The following TACC3 variants were observed in gnomAD, a reference collection of about 807,000 sequenced individuals.
The protein encoded by TACC3 is transforming acidic coiled-coil-containing protein 3.
In TACC3, 52 loss-of-function variants were observed where a neutral mutation model predicts 86.0. The observed-to-expected ratio is 0.60, with a 90% CI of 0.48 to 0.76. The LOEUF (loss-of-function observed/expected upper bound fraction) is 0.76, where lower values mean the gene tolerates loss of function less well. TACC3 is among the 30% of genes least tolerant of loss of function. TACC3 has a pLI of 0.00. For synonymous variants in TACC3, 512 were observed against 430.0 expected, an observed-to-expected ratio of 1.19 and a Z score of -2.36; for missense variants, 1,120 against 1,070.4, an observed-to-expected ratio of 1.05 and a Z score of -0.65.
Position 1,744,964 on chromosome 4 carries a change from A to T in TACC3, c.2468A>T (p.Glu823Val). 6.2e-7 allele frequency: 1 copy of T among 1,611,928 alleles called. No homozygotes were observed. Among genetic ancestry groups the T allele is most frequent in the East Asian group, 2.2e-5 (1 of 44,850 alleles). ...CTCCTCCAGACTAAAGAGAACGAGG[A>T]GCTGACCAGGATCTGCGACGACCTC... ...TVEQKTKENE[E>V]LTRICDDLIS... The change falls in exon 16 of 16, where the codon GAG becomes GTG. Residue 823 changes from glutamate to valine, a missense_variant. Physicochemically the swap from Glu to Val is moderately radical, Grantham distance 121. Transcript: ENST00000313288.
rs1255193824 is a variant in TACC3 at position 1,723,562 on chromosome 4, G to A, written c.141G>A (p.Lys47=). ...CACAGAAAGAAAATGTGCCACCCAAGAACCTGGCCAAAGCTATGAAGGTAA... is the reference window on the plus strand; with the variant it reads ...CACAGAAAGAAAATGTGCCACCCAAAAACCTGGCCAAAGCTATGAAGGTAA... ...RVSQKENVPP[K]NLAKAMKVTF... is the part of the protein sequence containing the mutation. Residue 47 remains lysine (K), a synonymous_variant, in exon 2 of 16, where the codon AAG becomes AAA. Coordinates refer to ENST00000313288, the MANE Select transcript of TACC3 (RefSeq NM_006342.3). The A allele has an allele frequency of 6.2e-7, 1 of 1,613,496 alleles. No individual in the cohort carries two copies. The highest frequency in any genetic ancestry group is 8.5e-7 in the Non-Finnish European group (1 of 1,179,816).
At chr4:1,730,520 C>T (rs1717950112) in intron 4 of TACC3, 2 of 413,524 alleles carry the variant, frequency 4.8e-6, no homozygotes, top group Non-Finnish European at 9.6e-6. Flanking sequence ...TTGCCTTGGC[C>T]CCTGGGTGGC....
At position 1,728,083 on chromosome 4, in the gene TACC3, G is replaced by A. The variant is rs777808484; in HGVS notation, c.681G>A (p.Glu227=). The A allele has an allele frequency of 1.3e-6, 2 of 1,591,178 alleles. No individual in the cohort carries two copies. The highest frequency in any genetic ancestry group is 2.3e-5 in the South Asian group (2 of 87,440). Residue 227 remains glutamate (E), a synonymous_variant, in exon 4 of 16, where the codon GAG becomes GAA. Transcript: ENST00000313288. ...PHGAEEECKA[E]TPHGAEEECR... ...GAGCCGAGGAAGAATGCAAAGCGGA[G>A]ACTCCGCACGGAGCCGAGGAGGAAT...
At position 1,745,022 on chromosome 4, in the gene TACC3, G is replaced by A; in HGVS notation, c.*9G>A. 6.2e-7 allele frequency: 1 copy of A among 1,601,142 alleles called. No individual in the cohort carries two copies. Among genetic ancestry groups the A allele is most frequent in the Non-Finnish European group, 8.5e-7 (1 of 1,174,498 alleles). On this transcript the variant is annotated 3_prime_UTR_variant, in exon 16 of 16. Coordinates refer to ENST00000313288, the MANE Select transcript of TACC3 (RefSeq NM_006342.3). ...AGATGGAGAAGATCTGACCTCCACG[G>A]AGCCGCTGTCCCCGCCCCCCTGCTC...
Position 1,728,520 on chromosome 4 carries a change from G to C in TACC3, c.1118G>C (p.Arg373Thr), listed in dbSNP as rs749547300. The C allele has an allele frequency of 1.2e-6, 2 of 1,614,050 alleles. No homozygotes were observed. The highest frequency in any genetic ancestry group is 3.3e-5 in the Admixed American group (2 of 60,028). ...LKPPLRKAAV[R>T]QQKAPQEVEE... ...CCTCCCTTGAGGAAAGCAGCAGTGA[G>C]GCAGCAAAAGGCCCCGCAGGAGGTG... Residue 373 changes from arginine (R) to threonine (T), a missense_variant, in exon 4 of 16, where the codon AGG becomes ACG. Transcript: ENST00000313288.
At position 1,728,529 on chromosome 4, in the gene TACC3, A is replaced by G; in HGVS notation, c.1127A>G (p.Lys376Arg). Residue 376 changes from lysine to arginine, a missense_variant, in exon 4 of 16, where the codon AAG becomes AGG. Coordinates refer to ENST00000313288, the MANE Select transcript of TACC3 (RefSeq NM_006342.3). Reference sequence around the variant, plus strand: ...AGGAAAGCAGCAGTGAGGCAGCAAAAGGCCCCGCAGGAGGTGGAGGAGGAC... The same window carrying G: ...AGGAAAGCAGCAGTGAGGCAGCAAAGGGCCCCGCAGGAGGTGGAGGAGGAC... ...PLRKAAVRQQ[K>R]APQEVEEDDG... The G allele has an allele frequency of 6.2e-7, 1 of 1,613,962 alleles. No individual in the cohort carries two copies. The highest frequency in any genetic ancestry group is 8.5e-7 in the Non-Finnish European group (1 of 1,179,976).
chr4:1,728,118 G>A lies in TACC3; in HGVS notation c.716G>A (p.Gly239Asp), dbSNP rs537769084. Residue 239 changes from glycine (G) to aspartate (D), a missense_variant, in exon 4 of 16, where the codon GGT becomes GAT. By Grantham distance (94) the Gly-to-Asp change is moderately conservative. Transcript: ENST00000313288. ...GGAGCCGAGGAGGAATGCCGGCACG[G>A]TGGGGTCTGTGCTCCCGCAGCAGTG... Reference protein sequence around the residue: ...PHGAEEECRHGGVCAPAAVAT... With the variant: ...PHGAEEECRHDGVCAPAAVAT... 2 of 1,612,296 alleles carry A rather than the reference G, an allele frequency of 1.2e-6. No individual in the cohort carries two copies. Among genetic ancestry groups the A allele is most frequent in the African/African-American group, 1.3e-5 (1 of 75,028 alleles).
intron 4 of TACC3, 128 bp downstream of exon 4, chr4:1,728,915 G>A (rs1717861998): frequency 1.0e-6 from 1 of 964,350 alleles, no homozygotes. Context: ...GCCTGAGGAG[G>A]GGCCTCTGGA....
chr4:1,722,614 C>T (rs1717462801), intron 1 of TACC3, among the ~76,000 whole-genome samples: 3 of 152,226 alleles, frequency 2.0e-5, no homozygotes, highest in African/African-American at 7.2e-5. Context: ...CAAATCAAAG[C>T]CTCCCCAGGT....
At chr4:1,733,988 A>AG (rs1683877788) in intron 6 of TACC3, among the ~76,000 whole-genome samples, 2 of 151,816 alleles carry the variant, frequency 1.3e-5, no homozygotes, top group Middle Eastern at 3.4e-3. Flanking sequence ...AAAAAAAAAA[A>AG]AAGAAAAGAA....
At chr4:1,728,837 A>G in intron 4 of TACC3, 50 bp downstream of exon 4, 1 of 1,532,384 alleles carries the variant, frequency 6.5e-7, no homozygotes, top group Non-Finnish European at 8.8e-7. Context: ...GCTGCCCTGC[A>G]GTGTATGTGG....
chr4:1,739,359 C>T (rs1416062026), intron 10 of TACC3: 2 of 313,452 alleles, frequency 6.4e-6, no homozygotes, highest in Non-Finnish European at 1.2e-5. Context: ...TCTTTGAAGA[C>T]AAACTTGGAG....
chr4:1,722,386 C>A (rs1313871230), intron 1 of TACC3, among the ~76,000 whole-genome samples: 1 of 152,220 alleles, frequency 6.6e-6, no homozygotes, highest in Non-Finnish European at 1.5e-5. Context: ...AAAACCTAAG[C>A]GTCGTCCGTA....
At chr4:1,734,504 A>G (rs1432308535) in intron 6 of TACC3, among the ~76,000 whole-genome samples, 1 of 152,152 alleles carries the variant, frequency 6.6e-6, no homozygotes, top group African/African-American at 2.4e-5. Context: ...TAAGAGTTTT[A>G]TAGTTTTAGA....
upstream of TACC3, chr4:1,721,008 T>C: frequency 4.2e-6 from 1 of 236,788 alleles, no homozygotes; most frequent in Non-Finnish European, 8.0e-6. Context: ...CTCTAGGACA[T>C]GGAGTCCCGC....
chr4:1,737,801 GCCA>G (rs779933823), intron 10 of TACC3, 99 bp downstream of exon 10: 19 of 980,418 alleles, frequency 1.9e-5, no homozygotes, highest in Non-Finnish European at 2.7e-5. Context: ...CGCCATCCCT[GCCA>G]TCCCTGCCCC....
chr4:1,741,059 A>C, intron 13 of TACC3, 73 bp downstream of exon 13: 11 of 1,461,004 alleles, frequency 7.5e-6, no homozygotes, highest in Non-Finnish European at 1.0e-5. Context: ...CGGGGCTACA[A>C]GCTGCTGTCT....
chr4:1,739,846 C>T (rs1452609504), intron 11 of TACC3, 68 bp downstream of exon 11: 67 of 1,549,676 alleles, frequency 4.3e-5, no homozygotes, highest in Admixed American at 1.9e-4. Flanking sequence ...CCATCCCCCT[C>T]GCCATCCTTG....
chr4:1,735,153 G>A lies in TACC3; in HGVS notation c.1592-120G>A, dbSNP rs1718190047. On this transcript the variant is annotated intron_variant, in intron 6 of 15. Transcript: ENST00000313288. The surrounding 1 kb of genome is among the most constrained non-coding windows in gnomAD (Gnocchi z 4.2). The stretch of plus-strand genomic sequence containing the variant: ...AGGCCCCGAACATCCACACCTCCAA[G>A]GGAGGAAATACTGCTGGCTGGAATG... The A allele has an allele frequency of 7.3e-7, 1 of 1,378,824 alleles. No individual in the cohort carries two copies. The highest frequency in any genetic ancestry group is 1.8e-5 in the Admixed American group (1 of 54,186). The allele number at this position is 1,378,824 out of a possible 1,614,324, so 85.4% of individuals were successfully genotyped here.
Sources: gnomAD v4.1 joint callset for allele counts (sites outside exome capture counted in the v4.1 genomes callset) on GRCh38, gnomAD v4.1.1 for gene constraint, Gnocchi (gnomAD v3.1) non-coding constraint, MANE v1.5 for transcripts, NCBI Gene and HGNC (gene_info 2026-07-23, HGNC 2026-07-21) for gene names.